GUCY2F: variants seen among roughly 807,000 people sequenced by gnomAD.
The protein encoded by GUCY2F is guanylate cyclase 2F, retinal.
GUCY2F carries 61 observed loss-of-function variants against 73.1 expected under a neutral mutation model. The observed-to-expected ratio is 0.83, with a 90% confidence interval of 0.68 to 1.03. The LOEUF is 1.03. Among genes scored for constraint, GUCY2F ranks in the 50% least tolerant of loss-of-function variants. The pLI, the probability that GUCY2F is intolerant of heterozygous loss-of-function variation, is 0.00. For missense variants in GUCY2F, 912 were observed against 854.3 expected (o/e 1.07, Z -0.84); for synonymous variants, 331 against 307.8 (o/e 1.08, Z -0.79).
At chrX:109,385,038 A>G in intron 16 of GUCY2F, 146 bp downstream of exon 16, 1 of 376,331 alleles carries the variant, frequency 2.7e-6, no homozygotes, top group Non-Finnish European at 4.6e-6. Flanking sequence ...ATCCGTGATA[A>G]ATCTTAATCT....
At chrX:109,405,577 G>C (rs774568583) in intron 9 of GUCY2F, among the ~76,000 whole-genome samples, 8 of 111,590 alleles carry the variant, frequency 7.2e-5, no homozygotes, top group Non-Finnish European at 1.1e-4. Flanking sequence ...TAAGTATCTG[G>C]CTCTTTTGCA....
chrX:109,421,641 G>T (rs937817488), intron 8 of GUCY2F, among the ~76,000 whole-genome samples: 2 of 111,737 alleles, frequency 1.8e-5, no homozygotes, highest in African/African-American at 6.5e-5. Flanking sequence ...CTTAAGATTT[G>T]CAAGATGAAA....
chrX:109,407,281 T>C (rs1569360468), intron 9 of GUCY2F, among the ~76,000 whole-genome samples: 2 of 112,063 alleles, frequency 1.8e-5, no homozygotes, highest in Non-Finnish European at 3.8e-5. Context: ...GCCCTAGAGA[T>C]TTGTGGAACT....
intron 7 of GUCY2F, among the ~76,000 whole-genome samples, chrX:109,430,946 A>C (rs1931596739): frequency 9.0e-6 from 1 of 111,442 alleles, no homozygotes; most frequent in Non-Finnish European, 1.9e-5. Context: ...AATTGTCTTT[A>C]ATCTAGATTA....
At chrX:109,449,202 AAGG>A (rs1479439893) in intron 5 of GUCY2F, among the ~76,000 whole-genome samples, 1 of 112,366 alleles carries the variant, frequency 8.9e-6, no homozygotes, top group East Asian at 2.8e-4. Flanking sequence ...AAGTTGCTTT[AAGG>A]AGAAGTTTAC....
At chrX:109,432,117 A>T (rs988727687) in intron 7 of GUCY2F, among the ~76,000 whole-genome samples, 9 of 111,391 alleles carry the variant, frequency 8.1e-5, no homozygotes, top group African/African-American at 2.9e-4. Flanking sequence ...CCAACACTTA[A>T]CGAAATCAGA....
chrX:109,465,340 A>G lies in GUCY2F; in HGVS notation c.834T>C (p.Phe278=). ...DLKMTDGTYV[F]VPYDALLYSL... ...TGTAGAGCAGGGCATCATAAGGAAC[A>G]AAGACGTAGGTTCCATCAGTCATTT... The change falls in exon 3 of 20, where the codon TTT becomes TTC. Residue 278 remains phenylalanine, a synonymous_variant. Transcript: ENST00000218006. The G allele has an allele frequency of 8.3e-7, 1 of 1,200,619 alleles. No individual in the cohort carries two copies. Among genetic ancestry groups the G allele is most frequent in the Non-Finnish European group, 1.1e-6 (1 of 885,221 alleles).
At chrX:109,462,285 T>C (rs1932378433) in intron 3 of GUCY2F, among the ~76,000 whole-genome samples, 1 of 113,353 alleles carries the variant, frequency 8.8e-6, no homozygotes, top group African/African-American at 3.2e-5. Context: ...ACACAGCTAG[T>C]AAAAGTGAGA....
chrX:109,414,287 T>C (rs1236764641), intron 8 of GUCY2F, among the ~76,000 whole-genome samples: 3 of 111,646 alleles, frequency 2.7e-5, no homozygotes, highest in Non-Finnish European at 5.6e-5. Context: ...AAGAAAATGT[T>C]GTACCTCCAT....
chrX:109,444,531 A>T (rs1006723548), intron 6 of GUCY2F, among the ~76,000 whole-genome samples: 2 of 111,914 alleles, frequency 1.8e-5, no homozygotes, highest in South Asian at 3.7e-4. Context: ...TAGTGTCTTT[A>T]CTGTGGCCAC....
chrX:109,450,372 T>C (rs1430704380), intron 5 of GUCY2F, among the ~76,000 whole-genome samples: 1 of 111,188 alleles, frequency 9.0e-6, no homozygotes, highest in Non-Finnish European at 1.9e-5. Context: ...AACCAGTCCA[T>C]ACAGTGGGAA....
chrX:109,453,456 G>T, intron 4 of GUCY2F, 49 bp downstream of exon 4: 1 of 815,854 alleles, frequency 1.2e-6, no homozygotes, highest in Non-Finnish European at 1.8e-6. Context: ...AGGTTCCCTT[G>T]TAACCCAAGC....
At chrX:109,478,504 C>T (rs1278733000) in intron 1 of GUCY2F, among the ~76,000 whole-genome samples, 1 of 112,463 alleles carries the variant, frequency 8.9e-6, no homozygotes, top group Non-Finnish European at 1.9e-5. Context: ...ACCCTATTCA[C>T]AGCAACAGGG....
intron 2 of GUCY2F, 142 bp downstream of exon 2, chrX:109,475,065 T>C (rs1369434534): frequency 5.5e-6 from 3 of 547,482 alleles, no homozygotes; most frequent in African/African-American, 2.3e-5. Context: ...TCTTGGGACC[T>C]GTGTGTGAGT....
In GUCY2F at chrX:109,481,914, G is replaced by C. The variant is rs768057298; in HGVS notation, c.-134C>G. ...CTTCAGTTTACTGCCTGCGCATGCA[G>C]ACCACTGGCATAGCTACCTCAGTGT... On this transcript the variant is annotated 5_prime_UTR_variant, in exon 1 of 20. Coordinates refer to ENST00000218006, the MANE Select transcript of GUCY2F (RefSeq NM_001522.3). The C allele has an allele frequency of 2.7e-5, 3 of 111,729 alleles. No homozygotes were observed. In the East Asian group the frequency reaches 8.4e-4, roughly 31 times the overall value. 9.2% of individuals were successfully genotyped at this position (111,729 alleles called of 1,213,427 possible).
intron 7 of GUCY2F, among the ~76,000 whole-genome samples, chrX:109,437,540 G>C (rs1231205124): frequency 8.9e-6 from 1 of 112,557 alleles, no homozygotes; most frequent in Non-Finnish European, 1.9e-5. Context: ...CAGAATCAGA[G>C]AATGATAGCA....
At chrX:109,452,153 G>A (rs947427875) in intron 4 of GUCY2F, 46 bp from the exon 5 acceptor site, 5 of 706,742 alleles carry the variant, frequency 7.1e-6, no homozygotes, top group Non-Finnish European at 1.1e-5. Context: ...ATCAGAGAGA[G>A]GCAGTAAATA....
intron 3 of GUCY2F, among the ~76,000 whole-genome samples, chrX:109,462,710 C>T: frequency 8.9e-6 from 1 of 111,787 alleles, no homozygotes; most frequent in East Asian, 2.8e-4. Context: ...CACATACATA[C>T]ATGTGCACAC....
chrX:109,440,839 C>T (rs936584086), intron 7 of GUCY2F, among the ~76,000 whole-genome samples: 2 of 111,914 alleles, frequency 1.8e-5, no homozygotes, highest in African/African-American at 6.5e-5. Context: ...TTTTCAGCAG[C>T]AGAAAGTAAC....
Sources: allele counts gnomAD v4.1 joint callset (sites outside exome capture counted in the v4.1 genomes callset), GRCh38; gene constraint gnomAD v4.1.1; transcripts MANE v1.5; gene names NCBI Gene and HGNC (gene_info 2026-07-23, HGNC 2026-07-21).